Variants in MACF1 observed in about 807,000 individuals in gnomAD.
The protein encoded by MACF1 is microtubule actin crosslinking factor 1.
Under a neutral mutation model 854.8 loss-of-function variants are expected in MACF1, and 193 were observed. The ratio of observed to expected loss-of-function variants is 0.23; its 90% CI spans 0.20 to 0.25. The LOEUF (loss-of-function observed/expected upper bound fraction) is 0.25, where lower values mean the gene tolerates loss of function less well. Among genes scored for constraint, MACF1 ranks in the 10% least tolerant of loss-of-function variants. MACF1 has a pLI of 1.00. For missense variants in MACF1, 7,722 were observed against 8,929.1 expected, an observed-to-expected ratio of 0.86 and a Z score of 5.45; for synonymous variants, 3,185 against 3,226.7, an observed-to-expected ratio of 0.99 and a Z score of 0.44.
chr1:39,447,986 T>C (rs1255944367), intron 82 of MACF1, 47 bp from the exon 83 acceptor site: 8 of 1,612,766 alleles, frequency 5.0e-6, no homozygotes, highest in Admixed American at 1.7e-5. Flanking sequence ...ACGTGCTGTA[T>C]AGTGTGTATA....
intron 2 of MACF1, among the ~76,000 whole-genome samples, chr1:39,152,824 A>C (rs1643610245): frequency 6.6e-6 from 1 of 151,304 alleles, no homozygotes; most frequent in Non-Finnish European, 1.5e-5. Context: ...ATGCTACCAG[A>C]ACTTTATCAC....
chr1:39,427,833 TATTTTTGCCTTTCAGTC>T, intron 62 of MACF1, 111 bp from the exon 63 acceptor site: 1 of 936,088 alleles, frequency 1.1e-6, no homozygotes, highest in Non-Finnish European at 1.6e-6. Context: ...ATTTTTATAT[TATTTTTGCCTTTCAGTC>T]GGTGAGTTTT....
intron 2 of MACF1, among the ~76,000 whole-genome samples, chr1:39,166,683 C>G (rs1052880914): frequency 6.6e-6 from 1 of 152,008 alleles, no homozygotes; most frequent in Non-Finnish European, 1.5e-5. Flanking sequence ...AAACTCCTGA[C>G]CTCAGGTGAC....
intron 89 of MACF1, chr1:39,457,122 A>T (rs1396265271): frequency 6.6e-6 from 1 of 152,258 alleles, no homozygotes; most frequent in Non-Finnish European, 1.5e-5. Flanking sequence ...AAGCTTCTGC[A>T]TCTTTTTCAT....
At chr1:39,343,461 C>CT (rs1180362562) in intron 40 of MACF1, among the ~76,000 whole-genome samples, 1 of 152,116 alleles carries the variant, frequency 6.6e-6, no homozygotes, top group African/African-American at 2.4e-5. Context: ...TTTATTCAGC[C>CT]TTTATCTGTT....
chr1:39,476,829 C>T (rs1343974790), intron 97 of MACF1, among the ~76,000 whole-genome samples: 7 of 149,970 alleles, frequency 4.7e-5, no homozygotes, highest in South Asian at 2.1e-4. Flanking sequence ...TGGTGGATCA[C>T]GCCTGTAATC....
rs149023763 is a variant in MACF1, at chr1:39,297,636, G to A, written c.2372G>A (p.Arg791Gln). ...TAYFQFFSDA[R>Q]ELESFLRNLQ... ...TTCCCATAGTTCTTCAGTGATGCAC[G>A]AGAGCTGGAGTCATTCTTGAGGAAC... Residue 791 changes from arginine (R) to glutamine (Q), a missense_variant, in exon 21 of 101, where the codon CGA becomes CAA. Around this residue, in one of 15 missense-constraint regions of MACF1, gnomAD observed 1,137 missense variants for 1,263.0 expected, o/e 0.90. Coordinates refer to ENST00000564288, the MANE Select transcript of MACF1 (RefSeq NM_001394062.1). 8 of 1,614,012 alleles carry A rather than the reference G, an allele frequency of 5.0e-6. No homozygotes were observed. The highest frequency in any genetic ancestry group is 6.8e-6 in the Non-Finnish European group (8 of 1,180,020).
chr1:39,438,033 T>A (rs768003098), intron 71 of MACF1, 25 bp downstream of exon 71: 19 of 1,595,694 alleles, frequency 1.2e-5, no homozygotes, highest in African/African-American at 2.7e-5. Flanking sequence ...TCATTATTTT[T>A]AAAAATCAAC....
intron 1 of MACF1, 72 bp from the exon 2 acceptor site, chr1:39,231,110 G>T (rs1200380626): frequency 4.6e-6 from 5 of 1,094,574 alleles, no homozygotes; most frequent in Admixed American, 1.7e-5. Context: ...AGAGATGTGG[G>T]CAGGGCAGCA....
intron 2 of MACF1, among the ~76,000 whole-genome samples, chr1:39,161,638 G>A (rs1643799890): frequency 6.6e-6 from 1 of 151,986 alleles, no homozygotes; most frequent in African/African-American, 2.4e-5. Flanking sequence ...AGGCTGAGGC[G>A]GGCGGATCAC....
chr1:39,464,981 A>T, intron 94 of MACF1, 114 bp from the exon 95 acceptor site: 2 of 935,238 alleles, frequency 2.1e-6, no homozygotes, highest in Non-Finnish European at 3.5e-6. Context: ...AGTGTGTGTC[A>T]CTTTGCCAGA....
chr1:39,342,842 C>T (rs1340461431), intron 40 of MACF1, among the ~76,000 whole-genome samples: 1 of 151,976 alleles, frequency 6.6e-6, no homozygotes, highest in Non-Finnish European at 1.5e-5. Context: ...AAATAAAGGG[C>T]CAGATAATAA....
chr1:39,458,844 TCAG>T, intron 90 of MACF1: 1 of 512,498 alleles, frequency 2.0e-6, no homozygotes. Flanking sequence ...TAACGTGTCA[TCAG>T]CTCACTAAGG....
At chr1:39,288,991 G>A (rs1328241591) in intron 15 of MACF1, among the ~76,000 whole-genome samples, 1 of 152,102 alleles carries the variant, frequency 6.6e-6, no homozygotes, top group East Asian at 1.9e-4. Flanking sequence ...AACATGCATT[G>A]TTTGTCTTTC....
intron 69 of MACF1, among the ~76,000 whole-genome samples, chr1:39,434,908 G>A (rs1050916422): frequency 4.6e-5 from 7 of 152,172 alleles, no homozygotes; most frequent in East Asian, 3.8e-4. Flanking sequence ...AAATATTTCC[G>A]GGGATAATAG....
intron 44 of MACF1, among the ~76,000 whole-genome samples, chr1:39,355,192 C>A (rs1337560502): frequency 6.6e-6 from 1 of 152,128 alleles, no homozygotes; most frequent in East Asian, 1.9e-4. Flanking sequence ...TATACTGTGT[C>A]CCCCAAAGCC....
chr1:39,358,307 G>A (rs1194607835), intron 45 of MACF1, among the ~76,000 whole-genome samples: 2 of 152,128 alleles, frequency 1.3e-5, no homozygotes, highest in Non-Finnish European at 2.9e-5. Context: ...TAAAGAACTT[G>A]CTCGCTCTTC....
At chr1:39,125,079 TGGA>T (rs1642824088) in intron 2 of MACF1, among the ~76,000 whole-genome samples, 1 of 151,976 alleles carries the variant, frequency 6.6e-6, no homozygotes, top group East Asian at 1.9e-4. Flanking sequence ...ATTATAAAAA[TGGA>T]GGGATTATCA....
Position 39,334,029 on chromosome 1 carries a change from G to A in MACF1, c.7441G>A (p.Val2481Met), listed in dbSNP as rs746138703. 16 of 1,614,062 alleles carry A rather than the reference G, an allele frequency of 9.9e-6. No homozygotes were observed. Among genetic ancestry groups the A allele is most frequent in the East Asian group, 2.2e-5 (1 of 44,896 alleles). The change falls in exon 37 of 101, where the codon GTG becomes ATG. Residue 2481 changes from valine (V) to methionine (M), a missense_variant. By Grantham distance (21) the Val-to-Met change is conservative. Coordinates refer to ENST00000564288, the MANE Select transcript of MACF1 (RefSeq NM_001394062.1). ...DPDSKAPLTV[V>M]QSIDRGLLER... Reference sequence around the variant, plus strand: ...TGATAGTAAAGCACCTTTAACAGTTGTGCAGTCCATTGACAGAGGTCTTTT... The same window carrying A: ...TGATAGTAAAGCACCTTTAACAGTTATGCAGTCCATTGACAGAGGTCTTTT...
Sources: gnomAD v4.1 joint callset for allele counts (sites outside exome capture counted in the v4.1 genomes callset) on GRCh38, gnomAD v4.1.1 for gene constraint, gnomAD v4.1.1 regional missense constraint, MANE v1.5 for transcripts, NCBI Gene and HGNC (gene_info 2026-07-23, HGNC 2026-07-21) for gene names.